BMP6: variants seen among roughly 807,000 people sequenced by gnomAD.
BMP6 encodes bone morphogenetic protein 6, also known as VG-1-R.
A neutral mutation model predicts 54.1 loss-of-function variants in BMP6; 17 were observed. The ratio of observed to expected loss-of-function variants is 0.31; its 90% CI spans 0.22 to 0.47. The LOEUF (loss-of-function observed/expected upper bound fraction) is 0.47, where lower values mean the gene tolerates loss of function less well. BMP6 is among the 20% of genes least tolerant of loss of function. The probability of loss-of-function intolerance (pLI) is 1.00; values close to 1 mark genes in which losing one functional copy is unlikely to be tolerated. For missense variants in BMP6, 720 were observed against 690.4 expected (o/e 1.04, Z -0.48); for synonymous variants, 328 against 291.2 (o/e 1.13, Z -1.28).
At chr6:7,776,709 G>A (rs978895717) in intron 1 of BMP6, among the ~76,000 whole-genome samples, 2 of 152,152 alleles carry the variant, frequency 1.3e-5, no homozygotes, top group Non-Finnish European at 2.9e-5. Flanking sequence ...TGAGTGCAGT[G>A]GTGCAATCAT....
At chr6:7,820,525 T>C (rs1758590099) in intron 1 of BMP6, among the ~76,000 whole-genome samples, 1 of 152,200 alleles carries the variant, frequency 6.6e-6, no homozygotes, top group Admixed American at 6.5e-5. Context: ...GGGACCTTTC[T>C]AGCGCTCCAG....
intron 2 of BMP6, among the ~76,000 whole-genome samples, chr6:7,851,009 C>T (rs1437093866): frequency 6.6e-6 from 1 of 152,184 alleles, no homozygotes; most frequent in Non-Finnish European, 1.5e-5. Flanking sequence ...CAATACTCCA[C>T]TGTCTTAATT....
At chr6:7,730,656 C>G (rs974383684) in intron 1 of BMP6, among the ~76,000 whole-genome samples, 1 of 152,132 alleles carries the variant, frequency 6.6e-6, no homozygotes, top group Admixed American at 6.5e-5. Context: ...AATCTGATTG[C>G]CATGACTCTG....
intron 2 of BMP6, among the ~76,000 whole-genome samples, chr6:7,855,553 CTTTTTTTT>C (rs778898901): frequency 1.7e-4 from 18 of 105,042 alleles, no homozygotes; most frequent in African/African-American, 4.9e-4. Context: ...CTCTCTCTCT[CTTTTTTTT>C]TTTTTTTTTT....
intron 1 of BMP6, among the ~76,000 whole-genome samples, chr6:7,737,632 T>C (rs1395358329): frequency 6.6e-6 from 1 of 151,550 alleles, no homozygotes; most frequent in African/African-American, 2.4e-5. Context: ...TGTCTTGCTT[T>C]CCCTTTTTTT....
rs1581286068 is a variant in BMP6, at chr6:7,865,068, C to T, written c.1204+2570C>T. Among the ~76,000 whole-genome samples the T allele has an allele frequency of 4.6e-5, 7 of 152,264 alleles. No individual in the cohort carries two copies. The South Asian group carries it at 1.5e-3, about 32-fold the overall frequency. On this transcript the variant is annotated intron_variant, in intron 4 of 6. Transcript: ENST00000283147. ...AATTAAAACTTCACTTGATTTTATT[C>T]AGTACCCCCCACCCAATGCACACAC...
intron 1 of BMP6, among the ~76,000 whole-genome samples, chr6:7,841,074 G>T (rs1758961569): frequency 6.6e-6 from 1 of 152,186 alleles, no homozygotes; most frequent in Admixed American, 6.5e-5. Flanking sequence ...ATTGGGTATT[G>T]ACTCCGTGGC....
chr6:7,848,873 A>G (rs1759104592), intron 2 of BMP6, among the ~76,000 whole-genome samples: 1 of 152,236 alleles, frequency 6.6e-6, no homozygotes, highest in African/African-American at 2.4e-5. Flanking sequence ...GGTAAAAAAA[A>G]TTGCATTCAT....
At chr6:7,836,847 C>T (rs1463187476) in intron 1 of BMP6, among the ~76,000 whole-genome samples, 1 of 152,176 alleles carries the variant, frequency 6.6e-6, no homozygotes, top group East Asian at 1.9e-4. Flanking sequence ...TATATGCTTG[C>T]AACATGAAAG....
chr6:7,809,519 G>T (rs1286673022), intron 1 of BMP6, among the ~76,000 whole-genome samples: 1 of 152,072 alleles, frequency 6.6e-6, no homozygotes, highest in Non-Finnish European at 1.5e-5. Context: ...TGGCTATGTA[G>T]AGGCGGAAAA....
At chr6:7,829,155 T>C (rs949308044) in intron 1 of BMP6, among the ~76,000 whole-genome samples, 2 of 152,110 alleles carry the variant, frequency 1.3e-5, no homozygotes, top group Non-Finnish European at 2.9e-5. Flanking sequence ...AAAGGCAGGA[T>C]TTAGTGTTTA....
At chr6:7,729,705 C>T (rs1349390789) in intron 1 of BMP6, among the ~76,000 whole-genome samples, 2 of 152,102 alleles carry the variant, frequency 1.3e-5, no homozygotes, top group Non-Finnish European at 2.9e-5. Context: ...GAAATGGATA[C>T]ATTGTCCCAG....
intron 1 of BMP6, among the ~76,000 whole-genome samples, chr6:7,804,697 A>G (rs896194876): frequency 6.6e-6 from 1 of 152,228 alleles, no homozygotes; most frequent in Non-Finnish European, 1.5e-5. Flanking sequence ...TGAAGAATAC[A>G]CAGATAAAAA....
At chr6:7,879,308 G>A (rs1759671543) in intron 5 of BMP6, among the ~76,000 whole-genome samples, 158 bp downstream of exon 5, 1 of 152,182 alleles carries the variant, frequency 6.6e-6, no homozygotes, top group African/African-American at 2.4e-5. Context: ...TCAGGCTCCT[G>A]GAGTAAGGCA....
chr6:7,870,128 C>T (rs1047605978), intron 4 of BMP6, among the ~76,000 whole-genome samples: 4 of 152,224 alleles, frequency 2.6e-5, no homozygotes, highest in African/African-American at 9.6e-5. Context: ...CCCCCAACCC[C>T]TCCCAGGTGT....
At chr6:7,838,891 G>A (rs146112589) in intron 1 of BMP6, among the ~76,000 whole-genome samples, 4,514 of 146,748 alleles carry the variant, frequency 0.031, 96 homozygotes, top group Middle Eastern at 0.083. Context: ...GCAGTGAGCC[G>A]AGATCGCGCC....
chr6:7,856,289 C>T (rs574291594), intron 2 of BMP6, among the ~76,000 whole-genome samples: 2 of 152,138 alleles, frequency 1.3e-5, no homozygotes, highest in South Asian at 4.2e-4. Flanking sequence ...AAAGTTTAAA[C>T]ATAATCTATA....
intron 1 of BMP6, among the ~76,000 whole-genome samples, chr6:7,787,404 T>C (rs1488172320): frequency 6.6e-6 from 1 of 152,224 alleles, no homozygotes; most frequent in African/African-American, 2.4e-5. Context: ...AAGGCGTGTT[T>C]GGCCAGCTCT....
intron 1 of BMP6, among the ~76,000 whole-genome samples, chr6:7,742,276 A>G (rs1757277950): frequency 2.0e-5 from 3 of 152,348 alleles, no homozygotes; most frequent in African/African-American, 4.8e-5. Flanking sequence ...TTTAATAAGT[A>G]TGAATACAAG....
Sources: gnomAD v4.1 joint callset for allele counts (sites outside exome capture counted in the v4.1 genomes callset) on GRCh38, gnomAD v4.1.1 for gene constraint, MANE v1.5 for transcripts, NCBI Gene and HGNC (gene_info 2026-07-23, HGNC 2026-07-21) for gene names.